P4HA3: variants seen among roughly 807,000 people sequenced by gnomAD.
P4HA3 encodes the protein prolyl 4-hydroxylase subunit alpha 3.
A neutral mutation model predicts 66.7 loss-of-function variants in P4HA3; 60 were observed. The observed-to-expected ratio is 0.90, with a 90% CI of 0.73 to 1.12. P4HA3 has a LOEUF of 1.12. Ranked by LOEUF, P4HA3 falls within the 50% of genes most tolerant of loss-of-function variation. The probability of loss-of-function intolerance (pLI) is 0.00; values close to 1 mark genes in which losing one functional copy is unlikely to be tolerated. For missense variants in P4HA3, 683 were observed against 685.8 expected, an observed-to-expected ratio of 1.00 and a Z score of 0.05; for synonymous variants, 263 against 274.6, an observed-to-expected ratio of 0.96 and a Z score of 0.42.
chr11:74,256,254 C>T (rs1859828517), intron 15 of P4HA3, among the ~76,000 whole-genome samples: 1 of 152,146 alleles, frequency 6.6e-6, no homozygotes, highest in Non-Finnish European at 1.5e-5. Context: ...CTTAAAAGAG[C>T]AGAAGGAGGA....
downstream of P4HA3, among the ~76,000 whole-genome samples, chr11:74,264,064 A>T (rs1354003456): frequency 3.3e-5 from 5 of 152,192 alleles, no homozygotes; most frequent in Non-Finnish European, 5.9e-5. Flanking sequence ...GGGGGTATGG[A>T]GACTAGTGCA....
chr11:74,291,257 G>T (rs142831135), intron 4 of P4HA3, among the ~76,000 whole-genome samples: 2 of 152,060 alleles, frequency 1.3e-5, no homozygotes, highest in African/African-American at 4.8e-5. Context: ...GTCTGTTATT[G>T]GTGTATAAGA....
rs977828165 is a variant in P4HA3 at position 74,272,481 on chromosome 11, C to T, written c.1398+1064G>A. The stretch of plus-strand genomic sequence containing the variant: ...AACCAACTGCAGCTCCAAGATGTGT[C>T]CCCTGCCTGATAGCTGACCTCAGAA... On this transcript the variant is annotated intron_variant, in intron 10 of 12. Transcript: ENST00000331597. Among the ~76,000 whole-genome samples, 77 of 152,158 alleles carry T rather than the reference C, an allele frequency of 5.1e-4. 1 individual carries two copies. The highest frequency in any genetic ancestry group is 1.8e-3 in the African/African-American group (76 of 41,418).
intron 7 of P4HA3, among the ~76,000 whole-genome samples, chr11:74,280,366 C>T (rs2134749498): frequency 6.6e-6 from 1 of 152,054 alleles, no homozygotes; most frequent in East Asian, 1.9e-4. Flanking sequence ...TGTTTTGTTG[C>T]CCAGGCTGGT....
intron 7 of P4HA3, among the ~76,000 whole-genome samples, chr11:74,281,399 A>T (rs1860590860): frequency 6.6e-6 from 1 of 152,242 alleles, no homozygotes; most frequent in Non-Finnish European, 1.5e-5. Flanking sequence ...ACTACAAATC[A>T]TGCTGCTATA....
intron 7 of P4HA3, 138 bp from the exon 8 acceptor site, chr11:74,279,590 T>C: frequency 1.0e-5 from 8 of 770,518 alleles, no homozygotes; most frequent in East Asian, 5.0e-5. Flanking sequence ...ACATTTTGCA[T>C]GTGGGACTAA....
chr11:74,253,882 C>T lies in P4HA3; in HGVS notation c.*1319-5881G>A, dbSNP rs185531061. Reference sequence around the variant, plus strand: ...CAAATGTCTTCCCAGGCTCAGGGACCTCCATTCCTTGAGATTGTCTTGGCA... The same window carrying T: ...CAAATGTCTTCCCAGGCTCAGGGACTTCCATTCCTTGAGATTGTCTTGGCA... On this transcript the variant is annotated intron_variant and NMD_transcript_variant, in intron 15 of 15. Transcript: ENST00000524388. 1,497 of 354,864 alleles carry T rather than the reference C, an allele frequency of 4.2e-3. 14 individuals are homozygous for T. The highest frequency in any genetic ancestry group is 0.024 in the Middle Eastern group (31 of 1,318). 22.0% of individuals were successfully genotyped at this position (354,864 alleles called of 1,614,324 possible). A position where few individuals can be genotyped will look rare whatever the true frequency, so the allele number is the denominator to read the frequency against.
chr11:74,250,741 T>G, intron 15 of P4HA3: 2 of 556,512 alleles, frequency 3.6e-6, no homozygotes, highest in Non-Finnish European at 6.5e-6. Flanking sequence ...GTACACTAAA[T>G]AGGACAGAAG....
intron 15 of P4HA3, among the ~76,000 whole-genome samples, chr11:74,259,398 AAAAC>A (rs2135694873): frequency 6.6e-6 from 1 of 152,324 alleles, no homozygotes; most frequent in South Asian, 2.1e-4. Flanking sequence ...AAAACAAAAC[AAAAC>A]AAACAAAAAA....
chr11:74,293,485 C>T (rs1861106454), intron 4 of P4HA3, among the ~76,000 whole-genome samples: 1 of 152,190 alleles, frequency 6.6e-6, no homozygotes, highest in Non-Finnish European at 1.5e-5. Context: ...GTGATCCTGT[C>T]ATTATGACAT....
At chr11:74,276,463 G>A (rs145068730) in intron 9 of P4HA3, among the ~76,000 whole-genome samples, 192 of 152,040 alleles carry the variant, frequency 1.3e-3, no homozygotes, top group African/African-American at 4.5e-3. Context: ...TGAGATGGGG[G>A]GATCACTTAG....
chr11:74,303,674 C>T (rs563629274), intron 2 of P4HA3, among the ~76,000 whole-genome samples: 12 of 151,714 alleles, frequency 7.9e-5, no homozygotes, highest in Non-Finnish European at 1.0e-4. Context: ...CTCTGCCTCC[C>T]GGATTCAAGC....
chr11:74,281,624 A>G (rs1860600669), intron 7 of P4HA3, among the ~76,000 whole-genome samples: 1 of 152,172 alleles, frequency 6.6e-6, no homozygotes, highest in African/African-American at 2.4e-5. Flanking sequence ...TATCACAAGA[A>G]CAAAAAACCA....
intron 15 of P4HA3, chr11:74,253,467 T>G (rs148252173): frequency 6.3e-7 from 1 of 1,599,544 alleles, no homozygotes; most frequent in Non-Finnish European, 8.6e-7. Flanking sequence ...CATTTGTTTT[T>G]CCTTCTCTTT....
In P4HA3 at chr11:74,302,598, A is replaced by T. The variant is rs775291843; in HGVS notation, c.344-6T>A. The T allele has an allele frequency of 3.1e-6, 5 of 1,606,954 alleles. No individual in the cohort carries two copies. In the Admixed American group the frequency reaches 5.1e-5, roughly 16 times the overall value. On this transcript the variant is annotated splice_region_variant and splice_polypyrimidine_tract_variant and intron_variant, in intron 2 of 12. Coordinates refer to ENST00000331597, the MANE Select transcript of P4HA3 (RefSeq NM_182904.5). Reference sequence around the variant, plus strand: ...CTCATAGCCATCCTTCAGAGCTGTAAAAGTAGTAAAAACATCAACCCAGCA... The same window carrying T: ...CTCATAGCCATCCTTCAGAGCTGTATAAGTAGTAAAAACATCAACCCAGCA...
chr11:74,268,650 T>G lies in P4HA3; in HGVS notation c.1468-409A>C, dbSNP rs1311483456. Among the ~76,000 whole-genome samples the G allele has an allele frequency of 2.0e-5, 3 of 152,336 alleles. No homozygotes were observed. In the South Asian group the frequency reaches 6.2e-4, roughly 32 times the overall value. On this transcript the variant is annotated intron_variant, in intron 11 of 12. Transcript: ENST00000331597. Reference sequence around the variant, plus strand: ...ATTCCCATACAGCCAAGCATGTCATTAACTCAGAAGCTTTTCCTCCCTCAG... The same window carrying G: ...ATTCCCATACAGCCAAGCATGTCATGAACTCAGAAGCTTTTCCTCCCTCAG...
chr11:74,254,612 C>T (rs969444404), intron 15 of P4HA3: 14 of 153,174 alleles, frequency 9.1e-5, no homozygotes, highest in African/African-American at 2.9e-4. Context: ...CCTCCCACCC[C>T]TGTCCTGCTG....
intron 12 of P4HA3, 39 bp downstream of exon 12, chr11:74,268,106 C>T (rs996276192): frequency 1.3e-6 from 2 of 1,564,918 alleles, no homozygotes; most frequent in Non-Finnish European, 1.8e-6. Context: ...TACTCTGCAC[C>T]CTGTACCCCC....
intron 15 of P4HA3, chr11:74,254,812 A>G (rs1859792140): frequency 6.6e-6 from 1 of 152,562 alleles, no homozygotes; most frequent in African/African-American, 2.4e-5. Flanking sequence ...CTTTCCCTAT[A>G]GCCCTTCAGT....
Sources: gnomAD v4.1 joint callset for allele counts (sites outside exome capture counted in the v4.1 genomes callset) on GRCh38, gnomAD v4.1.1 for gene constraint, MANE v1.5 for transcripts, NCBI Gene and HGNC (gene_info 2026-07-23, HGNC 2026-07-21) for gene names.